CDH23: variants seen among roughly 807,000 people sequenced by gnomAD.
CDH23 encodes the protein cadherin-23.
Under a neutral mutation model 317.1 loss-of-function variants are expected in CDH23, and 189 were observed. The observed-to-expected ratio is 0.60, with a 90% CI of 0.53 to 0.67. The LOEUF is 0.67. Ranked by LOEUF, CDH23 falls within the 30% of genes least tolerant of loss-of-function variation. CDH23 has a pLI of 0.00. For missense variants in CDH23, 4,401 were observed against 4,592.4 expected (o/e 0.96, Z 1.20); for synonymous variants, 1,839 against 1,876.8 (o/e 0.98, Z 0.52).
rs2132358969 is a variant in CDH23, at chr10:71,566,907, C to T, written c.595C>T (p.Gln199Ter). The T allele has an allele frequency of 6.2e-7, 1 of 1,613,502 alleles. No homozygotes were observed. The highest frequency in any genetic ancestry group is 1.1e-5 in the South Asian group (1 of 91,082). ...VIRELDYETTQAYQLTVNATD... is the reference protein window; with the variant it reads ...VIRELDYETT ...CCGGGAGCTGGACTACGAGACCACA[C>T]AGGCCTACCAGCTCACGGTCAACGC... The change falls in exon 7 of 70, where the codon CAG (glutamine) becomes TAG (stop). Residue 199 changes from glutamine (Q) to a stop codon, truncating the protein, a stop_gained. Coordinates refer to ENST00000224721, the MANE Select transcript of CDH23 (RefSeq NM_022124.6). LOFTEE classifies it high-confidence loss of function.
chr10:71,776,833 T>TC (rs1683513978), intron 38 of CDH23, among the ~76,000 whole-genome samples: 1 of 152,202 alleles, frequency 6.6e-6, no homozygotes, highest in African/African-American at 2.4e-5. Context: ...AGCCAGGGCC[T>TC]CCCATTGGCC....
At chr10:71,735,304 A>G (rs1369727304) in intron 34 of CDH23, among the ~76,000 whole-genome samples, 3 of 152,124 alleles carry the variant, frequency 2.0e-5, no homozygotes, top group Non-Finnish European at 4.4e-5. Flanking sequence ...CTCTAAGTAA[A>G]GGCAGAGAAG....
chr10:71,490,106 G>A (rs1366309436), intron 3 of CDH23, among the ~76,000 whole-genome samples: 1 of 152,020 alleles, frequency 6.6e-6, no homozygotes, highest in Non-Finnish European at 1.5e-5. Context: ...GGGCCCCGGG[G>A]ACTGTAATAA....
At chr10:71,521,086 C>A (rs1460009125) in intron 6 of CDH23, among the ~76,000 whole-genome samples, 1 of 152,036 alleles carries the variant, frequency 6.6e-6, no homozygotes, top group African/African-American at 2.4e-5. Context: ...AGCCACCTGT[C>A]CATCTATTAA....
rs201610096 is a variant in CDH23, at chr10:71,732,166, G to A, written c.3895G>A (p.Val1299Ile). The A allele has an allele frequency of 4.7e-4, 758 of 1,613,972 alleles. No homozygotes were observed. Among genetic ancestry groups the A allele is most frequent in the Non-Finnish European group, 5.7e-4 (668 of 1,179,868 alleles). Residue 1299 changes from valine to isoleucine, a missense_variant, in exon 32 of 70, where the codon GTC (valine) becomes ATC (isoleucine). By Grantham distance (29) the Val-to-Ile change is conservative (BLOSUM62 3). Transcript: ENST00000224721. Reference protein sequence around the residue: ...APPFNQGFCSVYITLLNELDE... With the variant: ...APPFNQGFCSIYITLLNELDE... ...GCCCTTCAACCAGGGCTTCTGCAGC[G>A]TCTACATCACTCTGCTCAACGAGCT...
intron 3 of CDH23, among the ~76,000 whole-genome samples, chr10:71,455,715 T>C (rs1850662972): frequency 6.6e-6 from 1 of 152,134 alleles, no homozygotes. Context: ...TGGTAGAAAT[T>C]AAAGTCACGG....
chr10:71,517,220 G>A (rs77975637), intron 6 of CDH23, among the ~76,000 whole-genome samples: 1 of 152,332 alleles, frequency 6.6e-6, no homozygotes, highest in African/African-American at 2.4e-5. Context: ...TCCAGGGCTG[G>A]GTGAGGAGCG....
At chr10:71,494,374 GC>G (rs1310773582) in intron 3 of CDH23, among the ~76,000 whole-genome samples, 3 of 152,120 alleles carry the variant, frequency 2.0e-5, no homozygotes, top group Non-Finnish European at 4.4e-5. Context: ...CAGAGGGAAG[GC>G]CTTCTGTGAA....
chr10:71,677,792 G>T (rs762042996), intron 16 of CDH23, 99 bp downstream of exon 16: 314 of 1,006,954 alleles, frequency 3.1e-4, no homozygotes, highest in Non-Finnish European at 4.1e-4. Context: ...TATGAGACAG[G>T]TCTCACTCTT....
At chr10:71,560,128 A>T (rs1857057307) in intron 6 of CDH23, among the ~76,000 whole-genome samples, 1 of 152,142 alleles carries the variant, frequency 6.6e-6, no homozygotes, top group African/African-American at 2.4e-5. Flanking sequence ...CTGGAATGCC[A>T]CAAACCCCCA....
chr10:71,713,407 C>CGGA (rs1225006957), intron 28 of CDH23: 1 of 657,298 alleles, frequency 1.5e-6, no homozygotes, highest in Non-Finnish European at 2.7e-6. Flanking sequence ...GTCTCTTTAC[C>CGGA]AACTATGGGG....
At chr10:71,444,625 G>C (rs189672314) in intron 2 of CDH23, among the ~76,000 whole-genome samples, 6 of 152,358 alleles carry the variant, frequency 3.9e-5, no homozygotes, top group Admixed American at 2.6e-4. Flanking sequence ...CATCAGCTTG[G>C]CTGCCTGAGC....
rs10999953 is a variant in CDH23, at chr10:71,690,904, C to G, written c.2176+320C>G. Among the ~76,000 whole-genome samples the G allele has an allele frequency of 0.32, 48,482 of 152,072 alleles. 9,283 individuals carry two copies. The highest frequency in any genetic ancestry group is 0.44 in the Non-Finnish European group (30,077 of 67,966). On this transcript the variant is annotated intron_variant, in intron 20 of 69. Coordinates refer to ENST00000224721, the MANE Select transcript of CDH23 (RefSeq NM_022124.6). ...AACACCTTTATTAAAGCCTCAGGGT[C>G]CCCCTCCCTCAGCTGCTGACCTCAT...
intron 35 of CDH23, among the ~76,000 whole-genome samples, 194 bp from the exon 36 acceptor site, chr10:71,739,450 T>G (rs1180844852): frequency 6.6e-6 from 1 of 152,214 alleles, no homozygotes; most frequent in Non-Finnish European, 1.5e-5. Context: ...CCATGGGTGC[T>G]ACACTACCTC....
At chr10:71,440,908 C>T (rs1849844769) in intron 2 of CDH23, among the ~76,000 whole-genome samples, 1 of 152,192 alleles carries the variant, frequency 6.6e-6, no homozygotes, top group Non-Finnish European at 1.5e-5. Flanking sequence ...GGCGGAGTCT[C>T]TGGAGGCTGC....
rs377225343 is a variant in CDH23 at position 71,502,239 on chromosome 10, T to G, written c.146-7843T>G. Among the ~76,000 whole-genome samples the G allele has an allele frequency of 2.6e-5, 4 of 152,318 alleles. No homozygotes were observed. The East Asian group carries it at 7.7e-4, about 29-fold the overall frequency. On this transcript the variant is annotated intron_variant, in intron 3 of 69. Transcript: ENST00000224721. Reference sequence around the variant, plus strand: ...TTGGCCCCTAGATGGGGAAGGACAGTAGATCACAGCTGGTGTGAAGTCCTT... The same window carrying G: ...TTGGCCCCTAGATGGGGAAGGACAGGAGATCACAGCTGGTGTGAAGTCCTT...
At chr10:71,458,467 A>T (rs1850808303) in intron 3 of CDH23, among the ~76,000 whole-genome samples, 1 of 152,244 alleles carries the variant, frequency 6.6e-6, no homozygotes, top group Non-Finnish European at 1.5e-5. Context: ...TCTTCTGGAA[A>T]TTGAGATGAT....
At chr10:71,620,280 A>G (rs866773517) in intron 11 of CDH23, among the ~76,000 whole-genome samples, 3 of 152,134 alleles carry the variant, frequency 2.0e-5, no homozygotes. Context: ...GGTGCCGAGT[A>G]GTTGTCTCTG....
At chr10:71,405,389 G>C (rs1848047568) in intron 1 of CDH23, among the ~76,000 whole-genome samples, 1 of 151,884 alleles carries the variant, frequency 6.6e-6, no homozygotes, top group African/African-American at 2.4e-5. Flanking sequence ...ACTCTATGGG[G>C]GCCTAAGGCT....
Sources: allele counts gnomAD v4.1 joint callset (sites outside exome capture counted in the v4.1 genomes callset), GRCh38; gene constraint gnomAD v4.1.1; transcripts MANE v1.5; gene names NCBI Gene and HGNC (gene_info 2026-07-23, HGNC 2026-07-21).